Variants in AKAP13 observed in about 807,000 individuals in gnomAD.
The protein encoded by AKAP13 is A-kinase anchoring protein 13, also known as A-kinase anchor protein 13.
AKAP13 carries 80 observed loss-of-function variants against 264.5 expected under a neutral mutation model. The observed-to-expected ratio is 0.30, with a 90% CI of 0.25 to 0.36. The LOEUF is 0.36. Among genes scored for constraint, AKAP13 ranks in the 10% least tolerant of loss-of-function variants. The pLI, the probability that AKAP13 is intolerant of heterozygous loss-of-function variation, is 1.00. For synonymous variants in AKAP13, 1,380 were observed against 1,250.2 expected, an observed-to-expected ratio of 1.10 and a Z score of -2.19; for missense variants, 3,712 against 3,435.2, an observed-to-expected ratio of 1.08 and a Z score of -2.01.
intron 8 of AKAP13, among the ~76,000 whole-genome samples, chr15:85,611,763 CTGGCCTCATCCTTTG>C (rs1023055894): frequency 6.6e-6 from 1 of 152,206 alleles, no homozygotes; most frequent in Non-Finnish European, 1.5e-5. Flanking sequence ...TCAGCTGGGG[CTGGCCTCATCCTTTG>C]TCTCTGTGCT....
chr15:85,744,162 G>A (rs1390479496), intron 36 of AKAP13: 3 of 323,858 alleles, frequency 9.3e-6, no homozygotes, highest in Non-Finnish European at 1.1e-5. Flanking sequence ...CTAGCATTTG[G>A]TGATTTAACC....
At chr15:85,457,388 T>A (rs1391810258) in intron 1 of AKAP13, among the ~76,000 whole-genome samples, 1 of 152,212 alleles carries the variant, frequency 6.6e-6, no homozygotes, top group East Asian at 1.9e-4. Context: ...CTTTTCTTTT[T>A]TAAAGGGTGA....
At chr15:85,604,020 T>C (rs2151374923) in intron 8 of AKAP13, among the ~76,000 whole-genome samples, 1 of 152,324 alleles carries the variant, frequency 6.6e-6, no homozygotes, top group South Asian at 2.1e-4. Flanking sequence ...GTCTGATGTG[T>C]GTTGAGTGTC....
At chr15:85,544,818 G>A (rs534950428) in intron 5 of AKAP13, among the ~76,000 whole-genome samples, 1 of 152,246 alleles carries the variant, frequency 6.6e-6, no homozygotes, top group South Asian at 2.1e-4. Context: ...ATGTTCTTTA[G>A]CAATTGAGGG....
At chr15:85,662,520 C>T in intron 12 of AKAP13, 2 of 1,587,384 alleles carry the variant, frequency 1.3e-6, no homozygotes, top group East Asian at 2.2e-5. Flanking sequence ...GGGCTTTTGG[C>T]TTGGAGCTGG....
rs372271794 is a variant in AKAP13, at chr15:85,572,693, A to G, written c.663-2438A>G. 1.6e-3 allele frequency among the ~76,000 whole-genome samples: 238 copies of G among 152,160 alleles called. 2 individuals are homozygous for G. Among genetic ancestry groups the G allele is most frequent in the African/African-American group, 5.4e-3 (224 of 41,468 alleles). On this transcript the variant is annotated intron_variant, in intron 5 of 36. Coordinates refer to ENST00000394518, the MANE Select transcript of AKAP13 (RefSeq NM_007200.5). ...AATTTTTTTTTTATTATTACACTGTAAGTTCTGGGATGCATGTGTAGAACG... is the reference window on the plus strand; with the variant it reads ...AATTTTTTTTTTATTATTACACTGTGAGTTCTGGGATGCATGTGTAGAACG...
chr15:85,387,631 G>A (rs1318700845), intron 1 of AKAP13, among the ~76,000 whole-genome samples: 1 of 151,866 alleles, frequency 6.6e-6, no homozygotes. Context: ...AGCCTGCTGT[G>A]GTTTTTGATT....
chr15:85,717,264 AGTAT>A, intron 20 of AKAP13, 22 bp from the exon 21 acceptor site: 1 of 1,423,874 alleles, frequency 7.0e-7, no homozygotes, highest in Non-Finnish European at 9.9e-7. Flanking sequence ...TGTATTTGAC[AGTAT>A]GTATTTTTCT....
chr15:85,485,510 A>G (rs532299965), intron 1 of AKAP13, among the ~76,000 whole-genome samples, 200 bp from the exon 2 acceptor site: 11 of 152,338 alleles, frequency 7.2e-5, no homozygotes, highest in Admixed American at 6.5e-4. Flanking sequence ...CCCCACTTGA[A>G]AAGATTGAGT....
chr15:85,687,423 TG>T (rs1468579572), intron 16 of AKAP13, among the ~76,000 whole-genome samples: 1 of 152,210 alleles, frequency 6.6e-6, no homozygotes, highest in East Asian at 1.9e-4. Flanking sequence ...CTGTGATCAC[TG>T]GTAGAAACTT....
In AKAP13 at chr15:85,721,959, A is replaced by G. The variant is rs1405776935; in HGVS notation, c.6253-32A>G. ...AATGGTATTATGAGTTTGGCGCCCC[A>G]TGGCATAACTTCTGTTCTCTTTTCT... On this transcript the variant is annotated intron_variant, in intron 23 of 36. Coordinates refer to ENST00000394518, the MANE Select transcript of AKAP13 (RefSeq NM_007200.5). 3.1e-6 allele frequency: 5 copies of G among 1,612,018 alleles called. No homozygotes were observed. In the South Asian group the frequency reaches 3.3e-5, roughly 11 times the overall value.
intron 6 of AKAP13, chr15:85,577,672 A>G: frequency 2.1e-6 from 1 of 473,884 alleles, no homozygotes; most frequent in Non-Finnish European, 2.8e-6. Context: ...CATTTTTGAG[A>G]TTACATATAG....
intron 5 of AKAP13, among the ~76,000 whole-genome samples, chr15:85,564,068 A>T (rs951222489): frequency 6.6e-6 from 1 of 152,210 alleles, no homozygotes; most frequent in African/African-American, 2.4e-5. Flanking sequence ...TGAAGGACTG[A>T]TAAGAGGATT....
intron 1 of AKAP13, among the ~76,000 whole-genome samples, chr15:85,413,571 T>A (rs927830201): frequency 6.6e-6 from 1 of 152,172 alleles, no homozygotes; most frequent in Non-Finnish European, 1.5e-5. Context: ...TTTGGGTTAT[T>A]GTGCTGCAAG....
At chr15:85,408,286 A>G (rs2071770769) in intron 1 of AKAP13, among the ~76,000 whole-genome samples, 1 of 151,818 alleles carries the variant, frequency 6.6e-6, no homozygotes, top group Non-Finnish European at 1.5e-5. Context: ...AATATTAAAA[A>G]ATGTTAATTG....
At chr15:85,439,162 C>T (rs1489473759) in intron 1 of AKAP13, among the ~76,000 whole-genome samples, 6 of 151,926 alleles carry the variant, frequency 3.9e-5, no homozygotes, top group Non-Finnish European at 4.4e-5. Flanking sequence ...GGGCGAAGGA[C>T]ATGAACAGAC....
At chr15:85,742,422 T>C (rs906443156) in intron 35 of AKAP13, among the ~76,000 whole-genome samples, 2 of 151,896 alleles carry the variant, frequency 1.3e-5, no homozygotes, top group Non-Finnish European at 2.9e-5. Context: ...CAGGCCAGAG[T>C]TGCTGGAAGA....
At chr15:85,665,729 C>G (rs1467395231) in intron 13 of AKAP13, among the ~76,000 whole-genome samples, 1 of 152,116 alleles carries the variant, frequency 6.6e-6, no homozygotes, top group Non-Finnish European at 1.5e-5. Flanking sequence ...CGCCCCGTGT[C>G]CAAGTGTTCT....
At chr15:85,669,896 C>T (rs943806818) in intron 14 of AKAP13, 66 bp downstream of exon 14, 7 of 1,284,090 alleles carry the variant, frequency 5.5e-6, no homozygotes, top group Non-Finnish European at 7.6e-6. Flanking sequence ...TATTATTTTT[C>T]TCACTTTAAG....
Sources: allele counts gnomAD v4.1 joint callset (sites outside exome capture counted in the v4.1 genomes callset), GRCh38; gene constraint gnomAD v4.1.1; transcripts MANE v1.5; gene names NCBI Gene and HGNC (gene_info 2026-07-23, HGNC 2026-07-21).